Variants in USP54 observed in about 807,000 individuals in gnomAD.
USP54 encodes ubiquitin carboxyl-terminal hydrolase 54.
A neutral mutation model predicts 170.5 loss-of-function variants in USP54; 87 were observed. The ratio of observed to expected loss-of-function variants is 0.51; its 90% confidence interval spans 0.43 to 0.61. The LOEUF is 0.61. USP54 is among the 20% of genes least tolerant of loss of function. The pLI, the probability that USP54 is intolerant of heterozygous loss-of-function variation, is 0.00. For synonymous variants in USP54, 655 were observed against 742.8 expected, an observed-to-expected ratio of 0.88 and a Z score of 1.92; for missense variants, 1,786 against 2,047.8, an observed-to-expected ratio of 0.87 and a Z score of 2.47.
chr10:73,570,843 C>CA (rs2075014724), intron 4 of USP54, among the ~76,000 whole-genome samples: 1 of 152,088 alleles, frequency 6.6e-6, no homozygotes, highest in Non-Finnish European at 1.5e-5. Flanking sequence ...AATAAACACT[C>CA]AAAGTAGAAG....
intron 15 of USP54, among the ~76,000 whole-genome samples, chr10:73,527,033 A>C (rs548152692): frequency 5.9e-5 from 9 of 152,362 alleles, no homozygotes; most frequent in African/African-American, 2.2e-4. Context: ...ACTAATGAAC[A>C]TATTGGTTTC....
intron 16 of USP54, among the ~76,000 whole-genome samples, chr10:73,525,174 T>C (rs897224577): frequency 5.3e-5 from 8 of 152,154 alleles, no homozygotes; most frequent in African/African-American, 1.9e-4. Context: ...TGTGTAAGCA[T>C]AGAAAAAGAC....
At chr10:73,603,203 G>A (rs899449290) in intron 1 of USP54, among the ~76,000 whole-genome samples, 2 of 152,074 alleles carry the variant, frequency 1.3e-5, no homozygotes, top group Admixed American at 1.3e-4. Context: ...ATCAATAAGG[G>A]GAAACTCGGG....
chr10:73,520,239 C>G (rs1564672517), intron 18 of USP54, among the ~76,000 whole-genome samples: 1 of 152,156 alleles, frequency 6.6e-6, no homozygotes, highest in African/African-American at 2.4e-5. Flanking sequence ...TAAAATAAAT[C>G]AAGAAGATAA....
chr10:73,519,622 A>G, intron 19 of USP54, 175 bp downstream of exon 19: 1 of 951,162 alleles, frequency 1.1e-6, no homozygotes. Flanking sequence ...TATTAAGATA[A>G]GGACCAGCAG....
intron 1 of USP54, among the ~76,000 whole-genome samples, chr10:73,612,817 G>A (rs1333401621): frequency 2.2e-5 from 3 of 139,516 alleles, no homozygotes; most frequent in African/African-American, 8.1e-5. Flanking sequence ...TCCAGCCTGG[G>A]AGACAGAGTG....
chr10:73,531,947 G>GA (rs113861662), intron 12 of USP54, among the ~76,000 whole-genome samples: 188 of 147,936 alleles, frequency 1.3e-3, no homozygotes, highest in African/African-American at 4.4e-3. Flanking sequence ...GATATGCTTA[G>GA]AAAAAAAAAA....
At chr10:73,615,536 A>C (rs1307899030) in intron 1 of USP54, among the ~76,000 whole-genome samples, 1 of 150,470 alleles carries the variant, frequency 6.6e-6, no homozygotes, top group Non-Finnish European at 1.5e-5. Context: ...ACATGATTTG[A>C]TTATTATGCA....
At chr10:73,541,846 C>G in intron 7 of USP54, 108 bp from the exon 8 acceptor site, 3 of 1,092,638 alleles carry the variant, frequency 2.7e-6, no homozygotes, top group South Asian at 1.5e-5. Flanking sequence ...TCCTCTGCCC[C>G]CTATACCAAA....
At chr10:73,533,107 C>A (rs924284875) in intron 12 of USP54, among the ~76,000 whole-genome samples, 1 of 152,076 alleles carries the variant, frequency 6.6e-6, no homozygotes, top group Non-Finnish European at 1.5e-5. Flanking sequence ...GAGATCGAGA[C>A]CATCCTGGCT....
intron 10 of USP54, chr10:73,538,234 CAT>C (rs1179562055): frequency 6.6e-6 from 1 of 151,422 alleles, no homozygotes; most frequent in African/African-American, 2.4e-5. Context: ...TCATTCAAAA[CAT>C]AGTAAAGGCT....
upstream of USP54, chr10:73,625,922 GGGTGTCGCACTCACAGCTCCT>G (rs1353173678): frequency 1.3e-5 from 2 of 150,652 alleles, no homozygotes; most frequent in African/African-American, 4.9e-5. Flanking sequence ...GCCCCCCTGA[GGGTGTCGCACTCACAGCTCCT>G]GGCGCCGCAT....
chr10:73,555,707 T>C (rs1165235311), intron 4 of USP54, among the ~76,000 whole-genome samples: 1 of 152,160 alleles, frequency 6.6e-6, no homozygotes, highest in East Asian at 1.9e-4. Flanking sequence ...AGTATTCAAA[T>C]CAAATTTTGA....
intron 5 of USP54, among the ~76,000 whole-genome samples, chr10:73,544,036 G>A (rs938570137): frequency 2.0e-5 from 3 of 151,164 alleles, no homozygotes; most frequent in Non-Finnish European, 4.4e-5. Flanking sequence ...TCTACCTCCC[G>A]GGTTCAAGAG....
At chr10:73,622,669 T>C (rs987405619) in intron 1 of USP54, among the ~76,000 whole-genome samples, 1 of 152,022 alleles carries the variant, frequency 6.6e-6, no homozygotes, top group African/African-American at 2.4e-5. Context: ...AAAAGACTAA[T>C]AGGACCAGCG....
chr10:73,615,295 G>T (rs1206118704), intron 1 of USP54: 1 of 150,012 alleles, frequency 6.7e-6, no homozygotes, highest in Non-Finnish European at 1.5e-5. Context: ...GGAGGCAGAA[G>T]TTGCAGTGAG....
intron 23 of USP54, 34 bp downstream of exon 23, chr10:73,500,621 T>G: frequency 6.4e-7 from 1 of 1,555,008 alleles, no homozygotes; most frequent in Non-Finnish European, 8.7e-7. Flanking sequence ...AGGTACCAAA[T>G]TCTGGCATAT....
chr10:73,498,366 C>CG lies in USP54; in HGVS notation c.*262_*263insC. The CG allele has an allele frequency of 4.5e-6, 1 of 220,928 alleles. No homozygotes were observed. Among genetic ancestry groups the CG allele is most frequent in the Admixed American group, 5.2e-5 (1 of 19,350 alleles). 13.7% of individuals were successfully genotyped at this position (220,928 alleles called of 1,614,324 possible). On this transcript the variant is annotated 3_prime_UTR_variant, in exon 24 of 24. Coordinates refer to ENST00000687698, the MANE Select transcript of USP54 (RefSeq NM_001391956.1). The stretch of plus-strand genomic sequence containing the variant: ...TCTCGGCTCACTGCAACCTCTGCCT[C>CG]CCGGGTTCAAGCAATTCTCCTGCCT...
intron 20 of USP54, among the ~76,000 whole-genome samples, chr10:73,508,842 A>G (rs544503460): frequency 1.3e-5 from 2 of 151,664 alleles, no homozygotes; most frequent in African/African-American, 4.8e-5. Flanking sequence ...TAATTTTTAT[A>G]TTTTTAGTGG....
Sources: allele counts gnomAD v4.1 joint callset (sites outside exome capture counted in the v4.1 genomes callset), GRCh38; gene constraint gnomAD v4.1.1; transcripts MANE v1.5; gene names NCBI Gene and HGNC (gene_info 2026-07-23, HGNC 2026-07-21).